Variants in SPIDR observed in about 807,000 individuals in gnomAD.
The protein encoded by SPIDR is scaffold protein involved in DNA repair.
SPIDR carries 93 observed loss-of-function variants against 104.6 expected under a neutral mutation model. That is an observed-to-expected ratio of 0.89 (90% confidence interval 0.75 to 1.06). The LOEUF (loss-of-function observed/expected upper bound fraction) is 1.06, where lower values mean the gene tolerates loss of function less well. Ranked by LOEUF, SPIDR falls within the 50% of genes least tolerant of loss-of-function variation. The pLI is 0.00. For synonymous variants in SPIDR, 431 were observed against 416.9 expected (o/e 1.03, Z -0.41); for missense variants, 1,154 against 1,111.2 (o/e 1.04, Z -0.55).
intron 5 of SPIDR, among the ~76,000 whole-genome samples, chr8:47,344,386 G>A (rs1335329263): frequency 6.6e-6 from 1 of 152,120 alleles, no homozygotes; most frequent in Non-Finnish European, 1.5e-5. Flanking sequence ...CATTTGGGTT[G>A]GTTCCAAGTC....
chr8:47,688,024 T>A (rs1589200795), intron 11 of SPIDR, among the ~76,000 whole-genome samples: 1 of 151,350 alleles, frequency 6.6e-6, no homozygotes, highest in African/African-American at 2.4e-5. Flanking sequence ...AAAGTGTGTG[T>A]GTGTGTGTGT....
chr8:47,685,187 G>A (rs1272300786), intron 11 of SPIDR, among the ~76,000 whole-genome samples: 2 of 152,062 alleles, frequency 1.3e-5, no homozygotes, highest in African/African-American at 4.8e-5. Context: ...TCCAGCCTGG[G>A]CAACAAGAGC....
intron 8 of SPIDR, among the ~76,000 whole-genome samples, chr8:47,577,298 A>G (rs1365656001): frequency 1.3e-5 from 2 of 152,266 alleles, no homozygotes; most frequent in African/African-American, 2.4e-5. Context: ...ACCTGATGTC[A>G]TGGAACACCA....
chr8:47,322,257 G>GCC (rs2046792186), intron 5 of SPIDR, among the ~76,000 whole-genome samples: 1 of 147,692 alleles, frequency 6.8e-6, no homozygotes, highest in Non-Finnish European at 1.5e-5. Flanking sequence ...AGAAAAAAAC[G>GCC]CCATCAGAAA....
chr8:47,726,891 A>C (rs1259012882), intron 16 of SPIDR, among the ~76,000 whole-genome samples: 1 of 152,106 alleles, frequency 6.6e-6, no homozygotes, highest in Non-Finnish European at 1.5e-5. Context: ...AATATGGGGA[A>C]TGTTTGAGGG....
intron 5 of SPIDR, among the ~76,000 whole-genome samples, chr8:47,343,721 G>A (rs1283026345): frequency 6.6e-6 from 1 of 152,094 alleles, no homozygotes; most frequent in East Asian, 1.9e-4. Context: ...TTCGGGCAGG[G>A]ATTTAAACAG....
chr8:47,600,701 A>G (rs1161103840), intron 10 of SPIDR, among the ~76,000 whole-genome samples: 1 of 152,214 alleles, frequency 6.6e-6, no homozygotes, highest in East Asian at 1.9e-4. Flanking sequence ...CACATCAGAC[A>G]TAGGTTTTTG....
chr8:47,729,018 T>G lies in SPIDR; in HGVS notation c.2521T>G (p.Ser841Ala). Residue 841 changes from serine (S) to alanine (A), a missense_variant, in exon 18 of 20, where the codon TCA becomes GCA. By Grantham distance (99) the Ser-to-Ala change is moderately conservative. Transcript: ENST00000297423. The stretch of plus-strand genomic sequence containing the variant: ...CCTGCAGGTCTTCCTGGACTGCCGC[T>G]CAAGACCGCAGTGCAGAGTGAAGGT... ...RHLQVFLDCRSRPQCRVKVKL... is the reference protein window; with the variant it reads ...RHLQVFLDCRARPQCRVKVKL... 6 of 1,613,968 alleles carry G rather than the reference T, an allele frequency of 3.7e-6. No homozygotes were observed. Among genetic ancestry groups the G allele is most frequent in the Non-Finnish European group, 5.1e-6 (6 of 1,180,032 alleles).
At chr8:47,616,896 T>C (rs1327188407) in intron 10 of SPIDR, among the ~76,000 whole-genome samples, 1 of 152,230 alleles carries the variant, frequency 6.6e-6, no homozygotes, top group Non-Finnish European at 1.5e-5. Context: ...CAGCACCCCA[T>C]TCGTGATAGC....
chr8:47,732,075 G>A (rs2085337304), intron 19 of SPIDR: 1 of 697,540 alleles, frequency 1.4e-6, no homozygotes, highest in Non-Finnish European at 2.6e-6. Context: ...CATCCAGGAA[G>A]TCTCCAGCAA....
At chr8:47,566,049 C>T (rs2057795915) in intron 8 of SPIDR, among the ~76,000 whole-genome samples, 1 of 107,920 alleles carries the variant, frequency 9.3e-6, no homozygotes, top group Admixed American at 1.3e-4. Flanking sequence ...TCTTGTTGCA[C>T]AGGCTGGAGT....
At chr8:47,672,768 G>C (rs1443018400) in intron 10 of SPIDR, among the ~76,000 whole-genome samples, 1 of 152,162 alleles carries the variant, frequency 6.6e-6, no homozygotes, top group Non-Finnish European at 1.5e-5. Flanking sequence ...ATGATGGTTT[G>C]TTTCTTTGTG....
chr8:47,396,326 A>G (rs1304789646), intron 5 of SPIDR, 50 bp from the exon 6 acceptor site: 1 of 1,448,772 alleles, frequency 6.9e-7, no homozygotes, highest in Non-Finnish European at 9.5e-7. Flanking sequence ...GGACTTGAAT[A>G]AAGTATCCTT....
At chr8:47,705,839 T>C (rs2081007423) in intron 14 of SPIDR, among the ~76,000 whole-genome samples, 1 of 151,298 alleles carries the variant, frequency 6.6e-6, no homozygotes, top group Admixed American at 6.6e-5. Context: ...AGGAGGTTGC[T>C]GCAGTGAGCT....
chr8:47,504,034 G>A (rs2081036160), intron 8 of SPIDR, among the ~76,000 whole-genome samples: 1 of 152,314 alleles, frequency 6.6e-6, no homozygotes, highest in South Asian at 2.1e-4. Flanking sequence ...CCCTTTGTGG[G>A]TAACCTCACC....
At chr8:47,333,386 C>T (rs1463203313) in intron 5 of SPIDR, among the ~76,000 whole-genome samples, 12 of 152,092 alleles carry the variant, frequency 7.9e-5, no homozygotes, top group African/African-American at 2.7e-4. Context: ...ACTGCAACCT[C>T]GGCCTCCTGG....
chr8:47,615,669 C>T (rs527790369), intron 10 of SPIDR, among the ~76,000 whole-genome samples: 10 of 151,986 alleles, frequency 6.6e-5, no homozygotes, highest in East Asian at 5.8e-4. Context: ...CCACCATGCC[C>T]GGCTAATTCT....
intron 8 of SPIDR, among the ~76,000 whole-genome samples, chr8:47,565,752 C>G (rs995993521): frequency 6.7e-6 from 1 of 150,354 alleles, no homozygotes; most frequent in Admixed American, 6.6e-5. Context: ...TCCTTATATA[C>G]TATTCAAATA....
chr8:47,279,357 A>T (rs2037251814), intron 1 of SPIDR: 1 of 153,140 alleles, frequency 6.5e-6, no homozygotes, highest in Admixed American at 6.5e-5. Flanking sequence ...GTACTTTCTC[A>T]GTGACGGGTC....
Sources: allele counts gnomAD v4.1 joint callset (sites outside exome capture counted in the v4.1 genomes callset), GRCh38; gene constraint gnomAD v4.1.1; transcripts MANE v1.5; gene names NCBI Gene and HGNC (gene_info 2026-07-23, HGNC 2026-07-21).